The following SOX5 variants were observed in gnomAD, a reference collection of about 807,000 sequenced individuals.
SOX5 encodes transcription factor SOX-5.
Under a neutral mutation model 92.0 loss-of-function variants are expected in SOX5, and 9 were observed. The observed-to-expected ratio is 0.10, with a 90% CI of 0.06 to 0.17. The LOEUF (loss-of-function observed/expected upper bound fraction) is 0.17. SOX5 is among the 10% of genes least tolerant of loss of function. The pLI, the probability that SOX5 is intolerant of heterozygous loss-of-function variation, is 1.00. For missense variants in SOX5, 642 were observed against 944.5 expected, an observed-to-expected ratio of 0.68 and a Z score of 4.20; for synonymous variants, 344 against 336.3, an observed-to-expected ratio of 1.02 and a Z score of -0.25.
chr12:24,440,646 C>T (rs112913365), intron 1 of SOX5, among the ~76,000 whole-genome samples: 2,043 of 142,636 alleles, frequency 0.014, 26 homozygotes, highest in Non-Finnish European at 0.021. Flanking sequence ...GTGTGAAGAA[C>T]AGAAGAAACA....
chr12:23,823,398 T>C lies in SOX5; in HGVS notation c.481+22585A>G, dbSNP rs111889446. 1.8e-3 allele frequency among the ~76,000 whole-genome samples: 267 copies of C among 152,332 alleles called. 1 individual carries two copies. The highest frequency in any genetic ancestry group is 6.1e-3 in the African/African-American group (253 of 41,578). On this transcript the variant is annotated intron_variant, in intron 3 of 14. Coordinates refer to ENST00000451604, the MANE Select transcript of SOX5 (RefSeq NM_006940.6). ...AAGCTTAGTTTGGCTGGATATGAAATTCTGGGTTGAAAATTCTTTTCTTTA... is the reference window on the plus strand; with the variant it reads ...AAGCTTAGTTTGGCTGGATATGAAACTCTGGGTTGAAAATTCTTTTCTTTA...
intron 4 of SOX5, among the ~76,000 whole-genome samples, chr12:24,133,547 A>G (rs1488382862): frequency 6.6e-6 from 1 of 152,206 alleles, no homozygotes. Context: ...AATTCAGAAC[A>G]GGAACACCTG....
At chr12:24,114,687 C>T (rs1947792661) in intron 4 of SOX5, among the ~76,000 whole-genome samples, 1 of 150,508 alleles carries the variant, frequency 6.6e-6, no homozygotes, top group Non-Finnish European at 1.5e-5. Context: ...CCTGTGATCC[C>T]AGAACTTTGG....
At chr12:24,121,277 T>C (rs1024138116) in intron 4 of SOX5, among the ~76,000 whole-genome samples, 7 of 152,126 alleles carry the variant, frequency 4.6e-5, no homozygotes, top group Admixed American at 2.0e-4. Context: ...TCATGGAAAA[T>C]GTGCATTACT....
chr12:23,738,728 G>T (rs960059433), intron 5 of SOX5, among the ~76,000 whole-genome samples: 1 of 152,116 alleles, frequency 6.6e-6, no homozygotes, highest in Non-Finnish European at 1.5e-5. Flanking sequence ...GCAAATAGGG[G>T]TTATCTACAA....
intron 3 of SOX5, among the ~76,000 whole-genome samples, chr12:24,216,158 T>C (rs968910457): frequency 6.6e-6 from 1 of 152,178 alleles, no homozygotes; most frequent in African/African-American, 2.4e-5. Context: ...TTGCCACAGA[T>C]AGCCTACAGG....
At chr12:24,307,506 G>T (rs1212270614) in intron 2 of SOX5, among the ~76,000 whole-genome samples, 1 of 38,486 alleles carries the variant, frequency 2.6e-5, no homozygotes, top group Non-Finnish European at 8.8e-5. Context: ...AGGAAGGAAG[G>T]AAGGAAGGAA....
chr12:24,294,886 G>C (rs1947021865), intron 2 of SOX5, among the ~76,000 whole-genome samples: 1 of 152,160 alleles, frequency 6.6e-6, no homozygotes, highest in Admixed American at 6.5e-5. Flanking sequence ...TTGGCCTAAT[G>C]CTGCATTTTC....
intron 8 of SOX5, among the ~76,000 whole-genome samples, chr12:23,606,846 T>C (rs1403044036): frequency 2.0e-5 from 3 of 152,094 alleles, no homozygotes; most frequent in African/African-American, 7.2e-5. Context: ...CTAAAAGAAA[T>C]GCTTTTGAGT....
At chr12:24,352,922 T>C (rs1157180718) in intron 2 of SOX5, among the ~76,000 whole-genome samples, 1 of 152,084 alleles carries the variant, frequency 6.6e-6, no homozygotes, top group Non-Finnish European at 1.5e-5. Context: ...AGGTACAAGG[T>C]CTTTGAACAA....
At chr12:24,054,719 A>G (rs779761341) in intron 4 of SOX5, among the ~76,000 whole-genome samples, 2 of 152,228 alleles carry the variant, frequency 1.3e-5, no homozygotes, top group Non-Finnish European at 2.9e-5. Flanking sequence ...TGGAAAGATG[A>G]ATGCAAAGCC....
chr12:24,501,092 T>C (rs1408841458), intron 1 of SOX5, among the ~76,000 whole-genome samples: 1 of 152,108 alleles, frequency 6.6e-6, no homozygotes, highest in Non-Finnish European at 1.5e-5. Flanking sequence ...AATTAGCCCA[T>C]CTCTTTGATA....
chr12:23,790,147 A>G (rs940584719), intron 3 of SOX5, among the ~76,000 whole-genome samples: 51 of 152,226 alleles, frequency 3.4e-4, no homozygotes, highest in African/African-American at 1.2e-3. Flanking sequence ...TAACTATAAA[A>G]CTGAAAAACA....
chr12:24,401,162 GC>G (rs1298473787), intron 1 of SOX5, among the ~76,000 whole-genome samples: 1 of 151,970 alleles, frequency 6.6e-6, no homozygotes, highest in Non-Finnish European at 1.5e-5. Flanking sequence ...GACCAACCTG[GC>G]CAACAAGGTG....
chr12:24,396,456 C>T (rs549079329), intron 1 of SOX5, among the ~76,000 whole-genome samples: 8 of 152,294 alleles, frequency 5.3e-5, no homozygotes, highest in East Asian at 3.9e-4. Flanking sequence ...GCTGAGTGGC[C>T]GAATGAAATA....
intron 2 of SOX5, among the ~76,000 whole-genome samples, chr12:24,295,513 C>T (rs191813746): frequency 6.6e-6 from 1 of 152,228 alleles, no homozygotes; most frequent in East Asian, 1.9e-4. Flanking sequence ...TTTGTGCTCA[C>T]TAAAGGATAT....
chr12:23,973,424 G>T (rs1948577296), intron 4 of SOX5, among the ~76,000 whole-genome samples: 1 of 152,116 alleles, frequency 6.6e-6, no homozygotes, highest in Non-Finnish European at 1.5e-5. Flanking sequence ...CTCCCAAGGT[G>T]CTGGGATTAC....
chr12:23,831,995 C>T (rs924387254), intron 3 of SOX5, among the ~76,000 whole-genome samples: 19 of 146,814 alleles, frequency 1.3e-4, no homozygotes, highest in Admixed American at 3.4e-4. Flanking sequence ...GAGGCACATG[C>T]GCACACTCAG....
At chr12:24,208,045 A>G (rs1958202500) in intron 4 of SOX5, among the ~76,000 whole-genome samples, 1 of 152,148 alleles carries the variant, frequency 6.6e-6, no homozygotes, top group African/African-American at 2.4e-5. Context: ...CTTTATTTCC[A>G]TTATTCAAAG....
Sources: allele counts gnomAD v4.1 joint callset (sites outside exome capture counted in the v4.1 genomes callset), GRCh38; gene constraint gnomAD v4.1.1; transcripts MANE v1.5; gene names NCBI Gene and HGNC (gene_info 2026-07-23, HGNC 2026-07-21).